Variants in TCF12 observed in about 807,000 individuals in gnomAD.
TCF12 encodes transcription factor 12.
Under a neutral mutation model 86.0 loss-of-function variants are expected in TCF12, and 45 were observed. The observed-to-expected ratio is 0.52, with a 90% confidence interval of 0.41 to 0.67. TCF12 has a LOEUF of 0.67. Among genes scored for constraint, TCF12 ranks in the 30% least tolerant of loss-of-function variants. The pLI is 0.00. For missense variants in TCF12, 881 were observed against 859.9 expected, an observed-to-expected ratio of 1.02 and a Z score of -0.31; for synonymous variants, 330 against 299.6, an observed-to-expected ratio of 1.10 and a Z score of -1.05.
chr15:57,056,116 G>GGGGTGT (rs367596955), intron 3 of TCF12, among the ~76,000 whole-genome samples: 42 of 143,332 alleles, frequency 2.9e-4, no homozygotes, highest in Admixed American at 7.6e-4. Context: ...TAGTTTTAGG[G>GGGGTGT]GTGTGTGTGT....
At chr15:56,942,256 A>G (rs1194423627) in intron 3 of TCF12, among the ~76,000 whole-genome samples, 1 of 152,240 alleles carries the variant, frequency 6.6e-6, no homozygotes, top group African/African-American at 2.4e-5. Context: ...TTTGTGAAAC[A>G]AAGCTATGTT....
intron 12 of TCF12, among the ~76,000 whole-genome samples, chr15:57,236,286 A>G (rs1399814040): frequency 6.6e-6 from 1 of 152,186 alleles, no homozygotes; most frequent in Non-Finnish European, 1.5e-5. Flanking sequence ...TCACTTTAAT[A>G]TATGTTTAGT....
At chr15:57,191,933 CAG>C (rs1372228350) in intron 6 of TCF12, among the ~76,000 whole-genome samples, 1 of 139,764 alleles carries the variant, frequency 7.2e-6, no homozygotes, top group Non-Finnish European at 1.5e-5. Flanking sequence ...GACTCCATCT[CAG>C]AAAAAAAAAA....
intron 3 of TCF12, among the ~76,000 whole-genome samples, chr15:57,004,388 C>T (rs1368909017): frequency 2.0e-5 from 3 of 151,922 alleles, no homozygotes; most frequent in African/African-American, 7.3e-5. Flanking sequence ...CAGGTGTGCA[C>T]CACCATGCCT....
chr15:57,246,542 T>TA (rs5812875), intron 13 of TCF12, among the ~76,000 whole-genome samples: 98,538 of 151,388 alleles, frequency 0.65, 34,249 homozygotes, highest in Non-Finnish European at 0.79. Flanking sequence ...CATGCAGACA[T>TA]ATCTCCAGTA....
At position 57,014,741 on chromosome 15, in the gene TCF12, G is replaced by A. The variant is rs80228377; in HGVS notation, c.149-49009G>A. ...TCAACAACTCAGATTCTTCTGCAGG[G>A]TTGACAGTCAGGTCAGAAGTATGAT... On this transcript the variant is annotated intron_variant, in intron 3 of 20. Coordinates refer to ENST00000333725, the MANE Select transcript of TCF12 (RefSeq NM_207037.2). Among the ~76,000 whole-genome samples the A allele has an allele frequency of 3.4e-3, 525 of 152,178 alleles. 15 individuals carry two copies. In the East Asian group the frequency reaches 0.042, roughly 12 times the overall value.
intron 6 of TCF12, among the ~76,000 whole-genome samples, chr15:57,171,110 A>G (rs1232653956): frequency 6.6e-6 from 1 of 151,886 alleles, no homozygotes; most frequent in Admixed American, 6.6e-5. Context: ...GTTTATAAAC[A>G]TTTTGGAGAG....
intron 12 of TCF12, among the ~76,000 whole-genome samples, chr15:57,241,157 G>A (rs1410375851): frequency 2.0e-5 from 3 of 151,156 alleles, no homozygotes; most frequent in Admixed American, 6.6e-5. Context: ...GCAGTGGCTC[G>A]ATCTCGGCTC....
chr15:57,166,343 TTTGA>T lies in TCF12; in HGVS notation c.326-55_326-52del, dbSNP rs746192528. ...ATAATTACCATGAATAGTCTAGCAG[TTTGA>T]TTGTCTGTCAATAAATGAAGGGTTT... is the stretch of plus-strand genomic sequence containing the variant. On this transcript the variant is annotated intron_variant, in intron 5 of 20. Transcript: ENST00000333725. 2.0e-4 allele frequency: 279 copies of T among 1,421,844 alleles called. 1 individual carries two copies. Among genetic ancestry groups the T allele is most frequent in the Non-Finnish European group, 2.5e-4 (252 of 1,022,642 alleles). 88.1% of individuals were successfully genotyped at this position (1,421,844 alleles called of 1,614,324 possible). A position where few individuals can be genotyped will look rare whatever the true frequency, so the allele number is the denominator to read the frequency against.
intron 3 of TCF12, among the ~76,000 whole-genome samples, chr15:57,056,997 G>C (rs1228300136): frequency 6.6e-6 from 1 of 152,070 alleles, no homozygotes; most frequent in Non-Finnish European, 1.5e-5. Context: ...AGTGTTATTT[G>C]TGGAAATTGT....
chr15:57,000,589 CA>C (rs528070691), intron 3 of TCF12, among the ~76,000 whole-genome samples: 1,663 of 152,088 alleles, frequency 0.011, 31 homozygotes, highest in African/African-American at 0.037. Flanking sequence ...TAATGAAGTA[CA>C]AATTAAATCC....
At chr15:57,093,644 A>G (rs916213785) in intron 5 of TCF12, among the ~76,000 whole-genome samples, 5 of 152,216 alleles carry the variant, frequency 3.3e-5, no homozygotes, top group Non-Finnish European at 5.9e-5. Context: ...GACTAACAAT[A>G]TATCTGTAAT....
intron 8 of TCF12, among the ~76,000 whole-genome samples, chr15:57,215,555 G>A (rs2058298252): frequency 6.6e-6 from 1 of 152,096 alleles, no homozygotes; most frequent in South Asian, 2.1e-4. Context: ...CTTTTCGTGA[G>A]GAATATTATG....
At chr15:57,214,780 C>T (rs1261563532) in intron 8 of TCF12, among the ~76,000 whole-genome samples, 1 of 151,958 alleles carries the variant, frequency 6.6e-6, no homozygotes, top group Non-Finnish European at 1.5e-5. Flanking sequence ...ACAATTGAGG[C>T]TTAATTGGAA....
chr15:57,052,910 C>T (rs1258214466), intron 3 of TCF12, among the ~76,000 whole-genome samples: 3 of 152,096 alleles, frequency 2.0e-5, no homozygotes, highest in African/African-American at 7.2e-5. Context: ...AATAATGCTG[C>T]AGTTGACATG....
At chr15:57,015,015 C>T (rs1462703116) in intron 3 of TCF12, among the ~76,000 whole-genome samples, 1 of 151,944 alleles carries the variant, frequency 6.6e-6, no homozygotes, top group Non-Finnish European at 1.5e-5. Context: ...ATAGTCCAGG[C>T]GTGGTGGCTC....
At chr15:57,049,933 C>T (rs187229036) in intron 3 of TCF12, among the ~76,000 whole-genome samples, 65 of 152,200 alleles carry the variant, frequency 4.3e-4, no homozygotes, top group Admixed American at 2.9e-3. Flanking sequence ...ACTTATTAAT[C>T]AAATATTTTT....
chr15:57,066,734 C>G (rs2068910332), intron 4 of TCF12, among the ~76,000 whole-genome samples: 1 of 152,124 alleles, frequency 6.6e-6, no homozygotes, highest in Non-Finnish European at 1.5e-5. Context: ...TCTCCCATTC[C>G]CATGCCAAAC....
chr15:57,207,182 G>T (rs1298753372), intron 8 of TCF12, among the ~76,000 whole-genome samples: 1 of 152,112 alleles, frequency 6.6e-6, no homozygotes. Flanking sequence ...CAACCCAAGT[G>T]TGACTGTGAA....
Sources: gnomAD v4.1 joint callset for allele counts (sites outside exome capture counted in the v4.1 genomes callset) on GRCh38, gnomAD v4.1.1 for gene constraint, MANE v1.5 for transcripts, NCBI Gene and HGNC (gene_info 2026-07-23, HGNC 2026-07-21) for gene names.